The following MSH3 variants were observed in gnomAD, a reference collection of about 807,000 sequenced individuals.
MSH3 encodes DNA mismatch repair protein Msh3.
Under a neutral mutation model 123.3 loss-of-function variants are expected in MSH3, and 106 were observed. The observed-to-expected ratio is 0.86, with a 90% confidence interval of 0.73 to 1.01. The LOEUF is 1.01. Ranked by LOEUF, MSH3 falls within the 50% of genes least tolerant of loss-of-function variation. The pLI, the probability that MSH3 is intolerant of heterozygous loss-of-function variation, is 0.00. For missense variants in MSH3, 1,459 were observed against 1,347.6 expected (o/e 1.08, Z -1.29); for synonymous variants, 515 against 481.4 (o/e 1.07, Z -0.91).
At chr5:80,825,716 G>A (rs1745282725) in intron 20 of MSH3, among the ~76,000 whole-genome samples, 1 of 152,118 alleles carries the variant, frequency 6.6e-6, no homozygotes, top group African/African-American at 2.4e-5. Flanking sequence ...GCTTAAAATA[G>A]ATTAGAATAA....
chr5:80,717,839 T>C (rs1380277105), intron 8 of MSH3, among the ~76,000 whole-genome samples: 1 of 152,178 alleles, frequency 6.6e-6, no homozygotes, highest in Non-Finnish European at 1.5e-5. Context: ...GTGTTTTTGG[T>C]ATTGGGTTGT....
chr5:80,842,258 G>A (rs1007650938), intron 20 of MSH3, among the ~76,000 whole-genome samples: 1 of 152,102 alleles, frequency 6.6e-6, no homozygotes, highest in African/African-American at 2.4e-5. Context: ...TATTCCATTG[G>A]TCTATATATC....
chr5:80,804,164 A>G (rs1744841923), intron 19 of MSH3, among the ~76,000 whole-genome samples: 1 of 152,218 alleles, frequency 6.6e-6, no homozygotes, highest in African/African-American at 2.4e-5. Flanking sequence ...CACTTAAACA[A>G]TATTTATTCT....
At chr5:80,788,166 T>C (rs1744546939) in intron 18 of MSH3, among the ~76,000 whole-genome samples, 2 of 152,244 alleles carry the variant, frequency 1.3e-5, no homozygotes, top group South Asian at 4.1e-4. Context: ...GCTGGGCGCA[T>C]GGCTCACGCC....
chr5:80,871,532 A>C (rs1414914713), intron 22 of MSH3, among the ~76,000 whole-genome samples: 2 of 152,164 alleles, frequency 1.3e-5, no homozygotes, highest in Non-Finnish European at 2.9e-5. Flanking sequence ...GCTCTTGCCA[A>C]GCCTCCCAAT....
At chr5:80,734,438 T>G (rs1743466055) in intron 10 of MSH3, among the ~76,000 whole-genome samples, 1 of 152,192 alleles carries the variant, frequency 6.6e-6, no homozygotes, top group Admixed American at 6.5e-5. Context: ...AGTGGGTGAA[T>G]TGCATAGTGT....
chr5:80,716,230 A>G (rs1323527121), intron 8 of MSH3, among the ~76,000 whole-genome samples: 1 of 152,180 alleles, frequency 6.6e-6, no homozygotes, highest in Non-Finnish European at 1.5e-5. Flanking sequence ...TCCCTACCCC[A>G]CACCTATCTT....
Position 80,731,733 on chromosome 5 carries a change from G to A in MSH3, c.1568+2768G>A, listed in dbSNP as rs192761304. On this transcript the variant is annotated intron_variant, in intron 10 of 23. Transcript: ENST00000265081. The stretch of plus-strand genomic sequence containing the variant: ...AAGATCATTCTAAAAGAGTAATTCT[G>A]TAGTGCTTATATTTTGCAAAAATAA... 1.3e-3 allele frequency among the ~76,000 whole-genome samples: 192 copies of A among 152,258 alleles called. 2 individuals carry two copies. Among genetic ancestry groups the A allele is most frequent in the African/African-American group, 4.5e-3 (187 of 41,552 alleles).
intron 19 of MSH3, among the ~76,000 whole-genome samples, chr5:80,812,917 G>A (rs1012502382): frequency 2.6e-5 from 4 of 152,170 alleles, no homozygotes; most frequent in African/African-American, 9.7e-5. Context: ...ATAGCCCAGA[G>A]CATGGATGCC....
At chr5:80,754,798 T>C (rs187127496) in intron 12 of MSH3, among the ~76,000 whole-genome samples, 1 of 152,356 alleles carries the variant, frequency 6.6e-6, no homozygotes, top group African/African-American at 2.4e-5. Context: ...GCTTTTGTTT[T>C]GGTAAACCCA....
At chr5:80,719,200 A>G (rs1751026303) in intron 8 of MSH3, among the ~76,000 whole-genome samples, 1 of 152,024 alleles carries the variant, frequency 6.6e-6, no homozygotes, top group Non-Finnish European at 1.5e-5. Context: ...GGCGCGTGCC[A>G]CCACACCCAG....
chr5:80,696,398 T>G (rs1383401398), intron 8 of MSH3, among the ~76,000 whole-genome samples: 2 of 152,152 alleles, frequency 1.3e-5, no homozygotes, highest in Non-Finnish European at 2.9e-5. Flanking sequence ...CTCTGATGCT[T>G]GGCTAGAGTA....
Position 80,775,696 on chromosome 5 carries a change from T to A in MSH3, c.2256T>A (p.Phe752Leu), listed in dbSNP as rs1423667148. ...AQYVTVSGQE[F>L]MIEIKNSAVS... Reference sequence around the variant, plus strand: ...CTGTTTATTTGTATTTGTTTTAGTTTATGATAGAAATAAAGAACTCTGCTG... The same window carrying A: ...CTGTTTATTTGTATTTGTTTTAGTTAATGATAGAAATAAAGAACTCTGCTG... The change falls in exon 16 of 24, where the codon TTT becomes TTA. Residue 752 changes from phenylalanine (F) to leucine (L), a missense_variant and splice_region_variant. Physicochemically the swap from Phe to Leu is conservative, Grantham distance 22. Transcript: ENST00000265081. 3 of 1,519,608 alleles carry A rather than the reference T, an allele frequency of 2.0e-6. No homozygotes were observed. Among genetic ancestry groups the A allele is most frequent in the Non-Finnish European group, 2.7e-6 (3 of 1,094,960 alleles). The allele number at this position is 1,519,608 out of a possible 1,614,324, so 94.1% of individuals were successfully genotyped here. A position where few individuals can be genotyped will look rare whatever the true frequency, so the allele number is the denominator to read the frequency against.
At chr5:80,666,044 A>G (rs1749560979) in intron 3 of MSH3, among the ~76,000 whole-genome samples, 1 of 152,158 alleles carries the variant, frequency 6.6e-6, no homozygotes, top group Non-Finnish European at 1.5e-5. Flanking sequence ...GATATTTTTT[A>G]AAAGTTTACA....
At chr5:80,688,101 G>C (rs1750135306) in intron 8 of MSH3, among the ~76,000 whole-genome samples, 1 of 152,144 alleles carries the variant, frequency 6.6e-6, no homozygotes, top group Admixed American at 6.5e-5. Context: ...ATGACATTCA[G>C]AAAGATACTT....
intron 8 of MSH3, among the ~76,000 whole-genome samples, chr5:80,708,867 T>G (rs1487722170): frequency 6.6e-6 from 1 of 152,080 alleles, no homozygotes; most frequent in African/African-American, 2.4e-5. Context: ...CTCCGCCTCC[T>G]GGGTTCTAGC....
At chr5:80,845,555 G>A (rs929530162) in intron 20 of MSH3, among the ~76,000 whole-genome samples, 1 of 152,020 alleles carries the variant, frequency 6.6e-6, no homozygotes, top group Non-Finnish European at 1.5e-5. Context: ...ATGTATATTT[G>A]GTCTTTTCAC....
chr5:80,841,177 T>C (rs535179872), intron 20 of MSH3, among the ~76,000 whole-genome samples: 1 of 152,176 alleles, frequency 6.6e-6, no homozygotes, highest in South Asian at 2.1e-4. Context: ...GTCCTTGCAA[T>C]AGTTTGTGAG....
At chr5:80,785,745 T>G (rs1201633923) in intron 17 of MSH3, among the ~76,000 whole-genome samples, 1 of 152,148 alleles carries the variant, frequency 6.6e-6, no homozygotes, top group African/African-American at 2.4e-5. Context: ...CCAACCCAAA[T>G]GTCCAAGAAT....
Sources: allele counts gnomAD v4.1 joint callset (sites outside exome capture counted in the v4.1 genomes callset), GRCh38; gene constraint gnomAD v4.1.1; transcripts MANE v1.5; gene names NCBI Gene and HGNC (gene_info 2026-07-23, HGNC 2026-07-21).